Variants in ENKUR observed in about 807,000 individuals in gnomAD.
The protein encoded by ENKUR is enkurin, TRPC channel interacting protein, also known as enkurin.
In ENKUR, 19 loss-of-function variants were observed where a neutral mutation model predicts 27.6. That is an observed-to-expected ratio of 0.69 (90% CI 0.48 to 1.01). The LOEUF (loss-of-function observed/expected upper bound fraction) is 1.01, where lower values mean the gene tolerates loss of function less well. Among genes scored for constraint, ENKUR ranks in the 50% least tolerant of loss-of-function variants. The pLI, the probability that ENKUR is intolerant of heterozygous loss-of-function variation, is 0.00. For missense variants in ENKUR, 312 were observed against 310.5 expected (o/e 1.00, Z -0.04); for synonymous variants, 117 against 96.9 (o/e 1.21, Z -1.22).
intron 2 of ENKUR, among the ~76,000 whole-genome samples, chr10:25,027,378 A>C (rs1850875547): frequency 6.8e-6 from 1 of 146,192 alleles, no homozygotes; most frequent in Non-Finnish European, 1.5e-5. Flanking sequence ...AAAAAAAAAA[A>C]AAAAAAAAAC....
At chr10:25,030,447 C>T (rs1850921682) in intron 2 of ENKUR, among the ~76,000 whole-genome samples, 1 of 152,086 alleles carries the variant, frequency 6.6e-6, no homozygotes, top group Non-Finnish European at 1.5e-5. Flanking sequence ...AGGTATTGCT[C>T]CACCACCAAC....
At chr10:25,018,673 T>C (rs1018082809), upstream of ENKUR, among the ~76,000 whole-genome samples, 2 of 151,458 alleles carry the variant, frequency 1.3e-5, no homozygotes, top group Non-Finnish European at 2.9e-5. Context: ...TTTTTTTTTT[T>C]TTTTTTGCGA....
chr10:25,052,895 G>A (rs12241661), intron 2 of ENKUR, among the ~76,000 whole-genome samples: 52,441 of 151,568 alleles, frequency 0.35, 9,334 homozygotes, highest in East Asian at 0.46. Context: ...TCAGCCTCCC[G>A]AGTAGCTAGG....
chr10:25,016,691 A>T (rs1266214800), upstream of ENKUR: 2 of 152,352 alleles, frequency 1.3e-5, no homozygotes, highest in Non-Finnish European at 2.9e-5. Context: ...AGCTAGCTGC[A>T]GGTACGGTGC....
In ENKUR at chr10:25,025,947, C is replaced by G. The variant is rs115303929; in HGVS notation, c.38-30078G>C. The G allele has an allele frequency of 4.6e-3, 740 of 159,836 alleles. 3 individuals carry two copies. The highest frequency in any genetic ancestry group is 0.017 in the African/African-American group (699 of 41,576). The allele number at this position is 159,836 out of a possible 1,614,324, so 9.9% of individuals were successfully genotyped here. Reference sequence around the variant, plus strand: ...TTTTGTTTGTTTTTTGGTGCAGTTTCAGCTCACTGCAACCTCCGCCTCCCA... The same window carrying G: ...TTTTGTTTGTTTTTTGGTGCAGTTTGAGCTCACTGCAACCTCCGCCTCCCA... On this transcript the variant is annotated intron_variant, in intron 2 of 5. Transcript: ENST00000615958.
intron 2 of ENKUR, among the ~76,000 whole-genome samples, chr10:24,998,478 G>A (rs1490465531): frequency 6.6e-5 from 10 of 151,770 alleles, no homozygotes; most frequent in Middle Eastern, 3.4e-3. Flanking sequence ...GGGCTCAAGC[G>A]ATCCTTCCAC....
rs761904783 is a variant in ENKUR, at chr10:24,998,291, TTCTTC to T, written c.223+1105_223+1109del. Among the ~76,000 whole-genome samples, 294 of 151,550 alleles carry T rather than the reference TTCTTC, an allele frequency of 1.9e-3. 2 individuals are homozygous for T. Among genetic ancestry groups the T allele is most frequent in the African/African-American group, 6.4e-3 (264 of 41,284 alleles). ...CGTTTCTTTTTTCTTTTCTTTTCTTTTCTTCTCTTCTCTTCTCCTCTCCCCTCCCC... is the reference window on the plus strand; with the variant it reads ...CGTTTCTTTTTTCTTTTCTTTTCTTTTCTTCTCTTCTCCTCTCCCCTCCCC... On this transcript the variant is annotated intron_variant, in intron 2 of 5. Transcript: ENST00000331161.
chr10:25,033,675 G>C (rs1850961759), intron 2 of ENKUR, among the ~76,000 whole-genome samples: 1 of 152,084 alleles, frequency 6.6e-6, no homozygotes, highest in Non-Finnish European at 1.5e-5. Context: ...CTAAAATAGT[G>C]CTTCTAAACC....
intron 2 of ENKUR, among the ~76,000 whole-genome samples, chr10:25,054,508 T>TCTTTCTTTC (rs1851228077): frequency 1.8e-5 from 2 of 110,198 alleles, no homozygotes; most frequent in Non-Finnish European, 3.9e-5. Context: ...TTTCTTTCTT[T>TCTTTCTTTC]CTTTCCTTTC....
chr10:25,023,827 T>C, intron 2 of ENKUR: 1 of 1,614,244 alleles, frequency 6.2e-7, no homozygotes, highest in Non-Finnish European at 8.5e-7. Flanking sequence ...TGCTCGTGTT[T>C]TCTGTGAAAG....
At chr10:25,022,885 A>G (rs764106857) in intron 2 of ENKUR, among the ~76,000 whole-genome samples, 2 of 152,192 alleles carry the variant, frequency 1.3e-5, no homozygotes, top group East Asian at 1.9e-4. Context: ...AGCATCTACA[A>G]TCTGGCACTT....
intron 2 of ENKUR, among the ~76,000 whole-genome samples, chr10:25,040,960 A>G (rs1298627653): frequency 2.6e-5 from 4 of 152,238 alleles, no homozygotes; most frequent in African/African-American, 7.2e-5. Flanking sequence ...GTCAATAAAT[A>G]TATGAGTAAG....
chr10:25,030,668 G>T (rs1850923995), intron 2 of ENKUR, among the ~76,000 whole-genome samples: 2 of 151,992 alleles, frequency 1.3e-5, no homozygotes, highest in African/African-American at 2.4e-5. Context: ...TTCTCAATAT[G>T]GAAATTTATG....
At position 25,016,108 on chromosome 10, in the gene ENKUR, C is replaced by G. The variant is rs1244558130; in HGVS notation, c.-172G>C. The G allele has an allele frequency of 7.8e-7, 1 of 1,283,266 alleles. No homozygotes were observed. The highest frequency in any genetic ancestry group is 1.5e-5 in the African/African-American group (1 of 65,612). The allele number at this position is 1,283,266 out of a possible 1,614,324, so 79.5% of individuals were successfully genotyped here. A position where few individuals can be genotyped will look rare whatever the true frequency, so the allele number is the denominator to read the frequency against. On this transcript the variant is annotated 5_prime_UTR_variant, in exon 1 of 6. Transcript: ENST00000331161. ...TAACCCCCTCTTAGCAGTCCTCTCT[C>G]GGGAAGAAAACACCCTATTTCTCTC...
intron 1 of ENKUR, among the ~76,000 whole-genome samples, chr10:25,011,104 CTGT>C (rs1232770675): frequency 1.3e-5 from 2 of 151,106 alleles, no homozygotes; most frequent in African/African-American, 4.9e-5. Flanking sequence ...TCTCCAGCAC[CTGT>C]TGTTTCCTGA....
rs1382815995 is a variant in ENKUR at position 25,016,054 on chromosome 10, C to G, written c.-118G>C. ...TTCTTCTTCGCCTTCTGAAGGACCA[C>G]AGGTTCTCTCCTTCACATCGTCCCC... On this transcript the variant is annotated 5_prime_UTR_variant, in exon 1 of 6. Transcript: ENST00000331161. The G allele has an allele frequency of 6.9e-7, 1 of 1,447,580 alleles. No individual in the cohort carries two copies. The highest frequency in any genetic ancestry group is 1.4e-5 in the African/African-American group (1 of 70,168). 89.7% of individuals were successfully genotyped at this position (1,447,580 alleles called of 1,614,324 possible). A position where few individuals can be genotyped will look rare whatever the true frequency, so the allele number is the denominator to read the frequency against.
At chr10:25,061,697 C>T (rs1433720586) in intron 1 of ENKUR, among the ~76,000 whole-genome samples, 1 of 152,146 alleles carries the variant, frequency 6.6e-6, no homozygotes, top group Admixed American at 6.5e-5. Context: ...CTACAAGCTG[C>T]CCTTCTCCAC....
At chr10:24,985,993 A>G (rs1056919628) in intron 4 of ENKUR, among the ~76,000 whole-genome samples, 1 of 152,134 alleles carries the variant, frequency 6.6e-6, no homozygotes, top group Non-Finnish European at 1.5e-5. Context: ...ACCTGAGCTC[A>G]GGAGGTTGAG....
intron 2 of ENKUR, among the ~76,000 whole-genome samples, chr10:25,054,457 TTTTC>T (rs55635166): frequency 0.066 from 6,641 of 100,740 alleles, 295 homozygotes; most frequent in African/African-American, 0.11. Context: ...GTTTTTTCTC[TTTTC>T]TTTCTTTCTT....
Sources: gnomAD v4.1 joint callset for allele counts (sites outside exome capture counted in the v4.1 genomes callset) on GRCh38, gnomAD v4.1.1 for gene constraint, MANE v1.5 for transcripts, NCBI Gene and HGNC (gene_info 2026-07-23, HGNC 2026-07-21) for gene names.